ZCCHC7: variants seen among roughly 807,000 people sequenced by gnomAD.
ZCCHC7 encodes zinc finger CCHC domain-containing protein 7.
Under a neutral mutation model 52.0 loss-of-function variants are expected in ZCCHC7, and 35 were observed. That is an observed-to-expected ratio of 0.67 (90% CI 0.51 to 0.89). ZCCHC7 has a LOEUF of 0.89. ZCCHC7 is among the 40% of genes least tolerant of loss of function. The probability of loss-of-function intolerance (pLI) is 0.00; values close to 1 mark genes in which losing one functional copy is unlikely to be tolerated. For missense variants in ZCCHC7, 574 were observed against 649.1 expected, an observed-to-expected ratio of 0.88 and a Z score of 1.26; for synonymous variants, 217 against 221.5, an observed-to-expected ratio of 0.98 and a Z score of 0.18.
intron 2 of ZCCHC7, among the ~76,000 whole-genome samples, chr9:37,181,277 A>G (rs1287172345): frequency 6.6e-6 from 1 of 152,178 alleles, no homozygotes; most frequent in Non-Finnish European, 1.5e-5. Context: ...TAGAATGAAT[A>G]AACTCAGAAG....
chr9:37,159,426 G>A (rs1820976618), intron 2 of ZCCHC7, among the ~76,000 whole-genome samples: 1 of 152,096 alleles, frequency 6.6e-6, no homozygotes, highest in African/African-American at 2.4e-5. Flanking sequence ...CAGTTTAGTG[G>A]TAGAAATGTT....
rs578026420 is a variant in ZCCHC7, at chr9:37,291,248, A to G, written c.611-10940A>G. On this transcript the variant is annotated intron_variant, in intron 2 of 8. Coordinates refer to ENST00000336755, the MANE Select transcript of ZCCHC7 (RefSeq NM_032226.3). ...CACGTAGTCTAGGTACTAGAACCTAATGATGTAATGAACTTCATCTTTTAA... is the reference window on the plus strand; with the variant it reads ...CACGTAGTCTAGGTACTAGAACCTAGTGATGTAATGAACTTCATCTTTTAA... Among the ~76,000 whole-genome samples, 117 of 152,338 alleles carry G rather than the reference A, an allele frequency of 7.7e-4. 1 individual carries two copies. The Middle Eastern group carries it at 0.048, about 62-fold the overall frequency.
At chr9:37,124,358 C>G (rs1378127989) in intron 1 of ZCCHC7, among the ~76,000 whole-genome samples, 1 of 151,494 alleles carries the variant, frequency 6.6e-6, no homozygotes, top group East Asian at 1.9e-4. Context: ...AGAAATTCAT[C>G]TCATAATTTT....
chr9:37,131,289 G>A (rs997748417), intron 2 of ZCCHC7, among the ~76,000 whole-genome samples: 6 of 150,650 alleles, frequency 4.0e-5, no homozygotes, highest in African/African-American at 7.4e-5. Flanking sequence ...GCAGTGAGCC[G>A]AGATAGCGCC....
In ZCCHC7 at chr9:37,302,181, T is replaced by C. The variant is rs1013608046; in HGVS notation, c.611-7T>C. On this transcript the variant is annotated splice_region_variant and splice_polypyrimidine_tract_variant and intron_variant, in intron 2 of 8. Coordinates refer to ENST00000336755, the MANE Select transcript of ZCCHC7 (RefSeq NM_032226.3). ...CACGGTTAAGTAATAATTTATTTGTTTTGTAGGAGAAGATGGTATAAACTG... is the reference window on the plus strand; with the variant it reads ...CACGGTTAAGTAATAATTTATTTGTCTTGTAGGAGAAGATGGTATAAACTG... The C allele has an allele frequency of 3.1e-6, 5 of 1,605,496 alleles. No homozygotes were observed. In the African/African-American group the frequency reaches 6.7e-5, roughly 22 times the overall value.
At chr9:37,163,646 C>G (rs57772080) in intron 2 of ZCCHC7, among the ~76,000 whole-genome samples, 1 of 152,268 alleles carries the variant, frequency 6.6e-6, no homozygotes, top group East Asian at 1.9e-4. Context: ...TTTGTATTCA[C>G]TTAATAGTGT....
At chr9:37,314,748 TTA>T (rs1491167983) in intron 5 of ZCCHC7, among the ~76,000 whole-genome samples, 253 of 130,178 alleles carry the variant, frequency 1.9e-3, no homozygotes, top group African/African-American at 6.5e-3. Context: ...CCGATCTCTT[TTA>T]AAAAAAAAAA....
chr9:37,163,385 CAAAAAAA>C (rs1022187626), intron 2 of ZCCHC7, among the ~76,000 whole-genome samples: 41 of 77,156 alleles, frequency 5.3e-4, no homozygotes, highest in Middle Eastern at 0.013. Context: ...GACTCCATCT[CAAAAAAA>C]AAAAAAAAAA....
intron 5 of ZCCHC7, among the ~76,000 whole-genome samples, chr9:37,321,329 C>T (rs1211658336): frequency 1.3e-5 from 2 of 151,942 alleles, no homozygotes; most frequent in Non-Finnish European, 2.9e-5. Flanking sequence ...TGGGGTCTCG[C>T]TGTTACCCAC....
In ZCCHC7 at chr9:37,126,709, A is replaced by C. The variant is rs1419618752; in HGVS notation, c.377A>C (p.Asn126Thr). 1 of 1,614,132 alleles carries C rather than the reference A, an allele frequency of 6.2e-7. No homozygotes were observed. Among genetic ancestry groups the C allele is most frequent in the Non-Finnish European group, 8.5e-7 (1 of 1,180,018 alleles). Residue 126 changes from asparagine to threonine, a missense_variant, in exon 2 of 9, where the codon AAT becomes ACT. Physicochemically the swap from Asn to Thr is moderately conservative, Grantham distance 65 (BLOSUM62 0). This residue lies in a region of ZCCHC7 where 403 missense variants were observed against 461.2 expected (regional missense o/e 0.87). Transcript: ENST00000336755. ...AHGLSSSLQS[N>T]ELVDKKCKSD... ...GGTCTTTCTTCTTCTCTTCAATCTA[A>C]TGAGCTGGTTGATAAGAAATGCAAG...
intron 2 of ZCCHC7, among the ~76,000 whole-genome samples, chr9:37,170,836 CCTCTGGGGTGATAAAATGGTG>C (rs1291898074): frequency 1.3e-5 from 2 of 152,226 alleles, no homozygotes; most frequent in East Asian, 1.9e-4. Context: ...CCTTTCTTAA[CCTCTGGGGTGATAAAATGGTG>C]CTACTTCCAA....
chr9:37,166,948 T>C (rs997609767), intron 2 of ZCCHC7, among the ~76,000 whole-genome samples: 9 of 152,224 alleles, frequency 5.9e-5, no homozygotes, highest in Non-Finnish European at 8.8e-5. Flanking sequence ...TTTGTTGAAA[T>C]GTATTTTATA....
chr9:37,345,175 C>T (rs1820882113), intron 6 of ZCCHC7, among the ~76,000 whole-genome samples: 1 of 152,212 alleles, frequency 6.6e-6, no homozygotes, highest in African/African-American at 2.4e-5. Context: ...TCTTATATAA[C>T]CCATCAGTAG....
chr9:37,212,059 A>AAAAAAAAAAAAG (rs1824264087), intron 2 of ZCCHC7, among the ~76,000 whole-genome samples: 1 of 145,574 alleles, frequency 6.9e-6, no homozygotes, highest in African/African-American at 2.5e-5. Context: ...AAAAAAAAAA[A>AAAAAAAAAAAAG]AAAAAAGAAA....
chr9:37,194,947 C>CT (rs1169877667), intron 2 of ZCCHC7, among the ~76,000 whole-genome samples: 2,251 of 133,472 alleles, frequency 0.017, 27 homozygotes, highest in African/African-American at 0.027. Context: ...TCTCTTTTTT[C>CT]TTTTTTTTTT....
At chr9:37,273,218 T>C (rs1356146486) in intron 2 of ZCCHC7, among the ~76,000 whole-genome samples, 1 of 152,130 alleles carries the variant, frequency 6.6e-6, no homozygotes. Context: ...AGAAAAAGTG[T>C]CCTGGCTGGG....
At chr9:37,318,259 C>T (rs979100780) in intron 5 of ZCCHC7, among the ~76,000 whole-genome samples, 3 of 151,766 alleles carry the variant, frequency 2.0e-5, no homozygotes, top group Non-Finnish European at 4.4e-5. Context: ...GTCAAGAGTT[C>T]GAGATCAGCC....
intron 2 of ZCCHC7, among the ~76,000 whole-genome samples, chr9:37,134,735 T>A (rs1479405582): frequency 6.6e-6 from 1 of 152,192 alleles, no homozygotes; most frequent in Non-Finnish European, 1.5e-5. Flanking sequence ...GTTGTTGTTT[T>A]ATTTTTTGAG....
intron 2 of ZCCHC7, among the ~76,000 whole-genome samples, chr9:37,281,148 T>G (rs1827939946): frequency 6.6e-6 from 1 of 152,182 alleles, no homozygotes; most frequent in Admixed American, 6.5e-5. Flanking sequence ...CCTGAGTAGC[T>G]GGGACCACAG....
Sources: allele counts gnomAD v4.1 joint callset (sites outside exome capture counted in the v4.1 genomes callset), GRCh38; gene constraint gnomAD v4.1.1; regional missense constraint gnomAD v4.1.1; transcripts MANE v1.5; gene names NCBI Gene and HGNC (gene_info 2026-07-23, HGNC 2026-07-21).